Variants in CAMK1D observed in about 807,000 individuals in gnomAD.
CAMK1D encodes calcium/calmodulin-dependent protein kinase type 1D.
In CAMK1D, 9 loss-of-function variants were observed where a neutral mutation model predicts 47.7. The observed-to-expected ratio is 0.19, with a 90% CI of 0.11 to 0.33. The LOEUF (loss-of-function observed/expected upper bound fraction) is 0.33, where lower values mean the gene tolerates loss of function less well. Among genes scored for constraint, CAMK1D ranks in the 10% least tolerant of loss-of-function variants. The probability of loss-of-function intolerance (pLI) is 1.00; values close to 1 mark genes in which losing one functional copy is unlikely to be tolerated. For missense variants in CAMK1D, 291 were observed against 488.7 expected (o/e 0.60, Z 3.81); for synonymous variants, 184 against 184.9 (o/e 0.99, Z 0.04).
chr10:12,805,614 C>T (rs577857051), intron 6 of CAMK1D, among the ~76,000 whole-genome samples: 94 of 152,220 alleles, frequency 6.2e-4, no homozygotes, highest in Non-Finnish European at 1.1e-3. Flanking sequence ...AAGCAATCCA[C>T]CCACCTCGGC....
intron 3 of CAMK1D, among the ~76,000 whole-genome samples, chr10:12,731,504 A>AG (rs1426745069): frequency 6.6e-6 from 1 of 152,230 alleles, no homozygotes; most frequent in Non-Finnish European, 1.5e-5. Context: ...GTTTAAAGCA[A>AG]GTCTGTACAT....
Position 12,827,500 on chromosome 10 carries a change from T to G in CAMK1D, c.1040-1269T>G, listed in dbSNP as rs1339648063. Among the ~76,000 whole-genome samples the G allele has an allele frequency of 4.5e-3, 74 of 16,298 alleles. 15 individuals carry two copies. Among genetic ancestry groups the G allele is most frequent in the South Asian group, 0.011 (4 of 372 alleles). The allele number at this position is 16,298 out of a possible 152,430, so 10.7% of individuals were successfully genotyped here. A position where few individuals can be genotyped will look rare whatever the true frequency, so the allele number is the denominator to read the frequency against. On this transcript the variant is annotated intron_variant, in intron 10 of 10. Transcript: ENST00000619168. The stretch of plus-strand genomic sequence containing the variant: ...TTTCTTTCTTTCTTTCTTTCTTTCT[T>G]TCTTTCTTTCTTTCTTTCTTTCTTT...
intron 1 of CAMK1D, among the ~76,000 whole-genome samples, chr10:12,361,246 C>CTTTTTTTT (rs1246719698): frequency 1.6e-4 from 14 of 86,732 alleles, no homozygotes; most frequent in East Asian, 1.2e-3. Context: ...TCCTATTTGA[C>CTTTTTTTT]TGTTTTTTTT....
intron 1 of CAMK1D, among the ~76,000 whole-genome samples, chr10:12,375,605 C>T (rs545334568): frequency 2.9e-4 from 44 of 152,264 alleles, no homozygotes; most frequent in Non-Finnish European, 5.6e-4. Flanking sequence ...AGTAATGGCC[C>T]AAAGCTGAAC....
intron 1 of CAMK1D, among the ~76,000 whole-genome samples, chr10:12,548,016 G>A (rs777412468): frequency 5.8e-4 from 88 of 152,302 alleles, no homozygotes; most frequent in Non-Finnish European, 1.1e-3. Flanking sequence ...CACCTGCGGT[G>A]CTTGCCACGC....
chr10:12,436,684 TG>T (rs971849472), intron 1 of CAMK1D, among the ~76,000 whole-genome samples: 1 of 152,164 alleles, frequency 6.6e-6, no homozygotes, highest in Non-Finnish European at 1.5e-5. Flanking sequence ...CAAAGCCCCA[TG>T]GGGGCATCTG....
At chr10:12,476,948 T>A (rs1041185240) in intron 1 of CAMK1D, among the ~76,000 whole-genome samples, 3 of 151,868 alleles carry the variant, frequency 2.0e-5, no homozygotes, top group African/African-American at 7.3e-5. Flanking sequence ...AGACAATGAG[T>A]TTACTGGCAG....
intron 9 of CAMK1D, among the ~76,000 whole-genome samples, chr10:12,824,868 G>C (rs545609816): frequency 1.3e-5 from 2 of 152,170 alleles, no homozygotes; most frequent in South Asian, 2.1e-4. Context: ...GATATGGAGG[G>C]GGAAAAAACA....
chr10:12,786,617 G>A (rs1270001024), intron 5 of CAMK1D, among the ~76,000 whole-genome samples: 1 of 152,186 alleles, frequency 6.6e-6, no homozygotes, highest in Non-Finnish European at 1.5e-5. Flanking sequence ...GGAGTGCAAT[G>A]GTGCAGTCAT....
intron 1 of CAMK1D, among the ~76,000 whole-genome samples, chr10:12,462,102 A>G (rs1436201223): frequency 6.6e-6 from 1 of 151,366 alleles, no homozygotes; most frequent in Non-Finnish European, 1.5e-5. Flanking sequence ...TTTTATGAAA[A>G]TTCACTTATT....
intron 1 of CAMK1D, among the ~76,000 whole-genome samples, chr10:12,462,988 A>T (rs1833481926): frequency 6.6e-6 from 1 of 152,202 alleles, no homozygotes; most frequent in Non-Finnish European, 1.5e-5. Context: ...TGGAAGAAAA[A>T]ATGAGCATAT....
chr10:12,717,792 G>A (rs1834208672), intron 3 of CAMK1D, among the ~76,000 whole-genome samples: 1 of 149,426 alleles, frequency 6.7e-6, no homozygotes, highest in South Asian at 2.1e-4. Context: ...TACTTGGGAG[G>A]CTGAAGTGGG....
intron 7 of CAMK1D, 31 bp from the exon 8 acceptor site, chr10:12,816,219 A>C: frequency 6.3e-7 from 1 of 1,589,480 alleles, no homozygotes; most frequent in Non-Finnish European, 8.6e-7. Context: ...TCGCAAAGTG[A>C]TTCCTTCCCT....
At chr10:12,446,243 G>A (rs535347180) in intron 1 of CAMK1D, among the ~76,000 whole-genome samples, 1 of 152,324 alleles carries the variant, frequency 6.6e-6, no homozygotes, top group South Asian at 2.1e-4. Flanking sequence ...TCCATAGACA[G>A]AGCAGCCCCG....
intron 2 of CAMK1D, among the ~76,000 whole-genome samples, chr10:12,614,938 T>G (rs1358830963): frequency 5.3e-5 from 8 of 152,176 alleles, no homozygotes; most frequent in Admixed American, 5.2e-4. Flanking sequence ...TATAACCCAG[T>G]GTGGCCCAGC....
At chr10:12,363,242 G>A (rs1210876936) in intron 1 of CAMK1D, among the ~76,000 whole-genome samples, 1 of 146,962 alleles carries the variant, frequency 6.8e-6, no homozygotes, top group Non-Finnish European at 1.5e-5. Context: ...CACCCGGCCT[G>A]TTTTTTTTTT....
intron 6 of CAMK1D, among the ~76,000 whole-genome samples, chr10:12,804,474 CGTG>C (rs1179859390): frequency 1.3e-5 from 2 of 151,824 alleles, no homozygotes; most frequent in African/African-American, 4.8e-5. Context: ...ATTAGCCAGG[CGTG>C]GTGGTGGGTA....
chr10:12,734,383 TAG>T (rs1564524223), intron 3 of CAMK1D, among the ~76,000 whole-genome samples: 60 of 1,936 alleles, frequency 0.031, 4 homozygotes, highest in African/African-American at 0.04. Flanking sequence ...TATATAGATA[TAG>T]ATATAGATAT....
chr10:12,401,352 T>A (rs1839217424), intron 1 of CAMK1D, among the ~76,000 whole-genome samples: 1 of 121,320 alleles, frequency 8.2e-6, no homozygotes, highest in Non-Finnish European at 1.6e-5. Flanking sequence ...TATATAAAGC[T>A]CAAATCAGAT....
Sources: gnomAD v4.1 joint callset for allele counts (sites outside exome capture counted in the v4.1 genomes callset) on GRCh38, gnomAD v4.1.1 for gene constraint, MANE v1.5 for transcripts, NCBI Gene and HGNC (gene_info 2026-07-23, HGNC 2026-07-21) for gene names.